Variants in SPAG16 observed in about 807,000 individuals in gnomAD.
SPAG16 encodes sperm-associated antigen 16 protein.
A neutral mutation model predicts 80.4 loss-of-function variants in SPAG16; 86 were observed. The observed-to-expected ratio is 1.07, with a 90% CI of 0.90 to 1.28. SPAG16 has a LOEUF of 1.28. SPAG16 is among the 50% of genes most tolerant of loss of function. The pLI, the probability that SPAG16 is intolerant of heterozygous loss-of-function variation, is 0.00. For missense variants in SPAG16, 870 were observed against 765.3 expected, an observed-to-expected ratio of 1.14 and a Z score of -1.61; for synonymous variants, 294 against 265.9, an observed-to-expected ratio of 1.11 and a Z score of -1.03.
chr2:213,321,786 A>G (rs1364978694), intron 5 of SPAG16, among the ~76,000 whole-genome samples: 1 of 152,130 alleles, frequency 6.6e-6, no homozygotes, highest in Non-Finnish European at 1.5e-5. Flanking sequence ...TTCTGTATAG[A>G]TGTTTTTATG....
chr2:213,984,783 A>T (rs1456225074), intron 12 of SPAG16, among the ~76,000 whole-genome samples: 1 of 151,958 alleles, frequency 6.6e-6, no homozygotes, highest in African/African-American at 2.4e-5. Context: ...CACTGTCCCC[A>T]TCCCTCTCTC....
intron 13 of SPAG16, among the ~76,000 whole-genome samples, chr2:214,056,149 T>A (rs2049929628): frequency 6.6e-6 from 1 of 152,136 alleles, no homozygotes; most frequent in African/African-American, 2.4e-5. Flanking sequence ...GTGTGTAATT[T>A]GTCTTCTAAT....
intron 15 of SPAG16, among the ~76,000 whole-genome samples, chr2:214,382,112 G>T (rs775224501): frequency 6.6e-6 from 1 of 152,222 alleles, no homozygotes; most frequent in Non-Finnish European, 1.5e-5. Flanking sequence ...CCAGTAACCA[G>T]AGTCAATGCT....
chr2:214,358,804 T>G (rs1483493386), intron 15 of SPAG16, among the ~76,000 whole-genome samples: 1 of 151,930 alleles, frequency 6.6e-6, no homozygotes, highest in African/African-American at 2.4e-5. Context: ...ACTTCTAACT[T>G]GTCAGGTTGA....
chr2:214,090,789 A>T (rs188270912), intron 13 of SPAG16, among the ~76,000 whole-genome samples: 1 of 152,152 alleles, frequency 6.6e-6, no homozygotes, highest in Non-Finnish European at 1.5e-5. Flanking sequence ...ACATTTTATT[A>T]AAGTCTGTTT....
rs201494300 is a variant in SPAG16 at position 213,514,470 on chromosome 2, A to AT, written c.1070+24389dup. On this transcript the variant is annotated intron_variant, in intron 10 of 15. Transcript: ENST00000331683. The stretch of plus-strand genomic sequence containing the variant: ...TAGAAATTTATAATTTTGTCGGCAT[A>AT]TTTTTTTTTATTATACTTTAAGTTT... Among the ~76,000 whole-genome samples, 123 of 151,526 alleles carry AT rather than the reference A, an allele frequency of 8.1e-4. 2 individuals carry two copies. The highest frequency in any genetic ancestry group is 3.4e-3 in the Middle Eastern group (1 of 292).
At chr2:213,630,895 A>G (rs185841291) in intron 10 of SPAG16, among the ~76,000 whole-genome samples, 11 of 152,318 alleles carry the variant, frequency 7.2e-5, no homozygotes. Flanking sequence ...GGAATAAATG[A>G]TATCAGAGGA....
At chr2:213,403,893 A>C (rs1432483761) in intron 9 of SPAG16, among the ~76,000 whole-genome samples, 1 of 152,194 alleles carries the variant, frequency 6.6e-6, no homozygotes, top group Non-Finnish European at 1.5e-5. Context: ...AAAAATCACA[A>C]GCATTCTTAT....
intron 10 of SPAG16, among the ~76,000 whole-genome samples, chr2:213,759,912 A>G (rs115064750): frequency 0.14 from 21,964 of 151,946 alleles, 2,064 homozygotes; most frequent in South Asian, 0.29. Context: ...GCACATGCCT[A>G]TAGTCCCAGA....
intron 15 of SPAG16, among the ~76,000 whole-genome samples, chr2:214,230,190 G>C (rs948588687): frequency 1.3e-5 from 2 of 151,824 alleles, no homozygotes; most frequent in Non-Finnish European, 2.9e-5. Context: ...AAATTATATT[G>C]TTTGGCATTA....
chr2:213,820,804 A>G (rs193151952), intron 10 of SPAG16, among the ~76,000 whole-genome samples: 3 of 152,174 alleles, frequency 2.0e-5, no homozygotes, highest in African/African-American at 4.8e-5. Flanking sequence ...TAATGTAATT[A>G]CTAATTGTAT....
intron 4 of SPAG16, among the ~76,000 whole-genome samples, chr2:213,316,815 G>A (rs1361618225): frequency 1.3e-5 from 2 of 151,882 alleles, no homozygotes; most frequent in Admixed American, 1.3e-4. Context: ...CCCACCCTAT[G>A]TAAAATAGCA....
At chr2:213,449,053 ATAT>A (rs1470189182) in intron 9 of SPAG16, among the ~76,000 whole-genome samples, 1 of 152,190 alleles carries the variant, frequency 6.6e-6, no homozygotes, top group Non-Finnish European at 1.5e-5. Context: ...AGGAATAATA[ATAT>A]TAATACCCTG....
intron 9 of SPAG16, among the ~76,000 whole-genome samples, chr2:213,485,556 AT>A (rs369309533): frequency 0.023 from 3,291 of 142,070 alleles, 49 homozygotes; most frequent in Middle Eastern, 0.047. Flanking sequence ...CCAGTGATGC[AT>A]TTTTTTTTTT....
intron 9 of SPAG16, among the ~76,000 whole-genome samples, chr2:213,428,874 G>A (rs980183114): frequency 2.0e-5 from 3 of 151,978 alleles, no homozygotes; most frequent in Admixed American, 1.3e-4. Flanking sequence ...GGCAGGTCAC[G>A]AGGTCAGTAG....
intron 10 of SPAG16, among the ~76,000 whole-genome samples, chr2:213,681,613 T>C (rs1342207538): frequency 6.6e-6 from 1 of 152,074 alleles, no homozygotes; most frequent in African/African-American, 2.4e-5. Flanking sequence ...CAGTGGTAGC[T>C]AAAATAGATG....
intron 15 of SPAG16, among the ~76,000 whole-genome samples, chr2:214,194,053 G>C (rs899650366): frequency 2.0e-5 from 3 of 152,060 alleles, no homozygotes; most frequent in African/African-American, 7.2e-5. Context: ...ATTATAGTCA[G>C]AAAATGCTAA....
chr2:213,616,667 G>A lies in SPAG16; in HGVS notation c.1070+126577G>A, dbSNP rs140968868. On this transcript the variant is annotated intron_variant, in intron 10 of 15. Transcript: ENST00000331683. ...CCAAACTACTGAATCTCAGTCTAAC[G>A]GCAGAGTTCCTAATGGGCCTGTTTT... is the stretch of plus-strand genomic sequence containing the variant. Among the ~76,000 whole-genome samples, 15 of 152,258 alleles carry A rather than the reference G, an allele frequency of 9.9e-5. No homozygotes were observed. The East Asian group carries it at 2.3e-3, about 23-fold the overall frequency.
At chr2:213,607,351 G>C (rs2061298854) in intron 10 of SPAG16, among the ~76,000 whole-genome samples, 1 of 152,018 alleles carries the variant, frequency 6.6e-6, no homozygotes, top group African/African-American at 2.4e-5. Flanking sequence ...AAGAAGTCTT[G>C]ATCCATATTT....
Sources: gnomAD v4.1 joint callset for allele counts (sites outside exome capture counted in the v4.1 genomes callset) on GRCh38, gnomAD v4.1.1 for gene constraint, MANE v1.5 for transcripts, NCBI Gene and HGNC (gene_info 2026-07-23, HGNC 2026-07-21) for gene names.